Variants in ADAMTS2 observed in about 807,000 individuals in gnomAD.
ADAMTS2 encodes the protein ADAM metallopeptidase with thrombospondin type 1 motif 2, also known as A disintegrin and metalloproteinase with thrombospondin motifs 2.
In ADAMTS2, 50 loss-of-function variants were observed where a neutral mutation model predicts 123.0. The ratio of observed to expected loss-of-function variants is 0.41; its 90% CI spans 0.32 to 0.51. The LOEUF (loss-of-function observed/expected upper bound fraction) is 0.51. Among genes scored for constraint, ADAMTS2 ranks in the 20% least tolerant of loss-of-function variants. The pLI is 0.35. For missense variants in ADAMTS2, 1,494 were observed against 1,705.2 expected, an observed-to-expected ratio of 0.88 and a Z score of 2.18; for synonymous variants, 678 against 695.4, an observed-to-expected ratio of 0.98 and a Z score of 0.39.
At chr5:179,328,119 G>T (rs1476039773) in intron 2 of ADAMTS2, among the ~76,000 whole-genome samples, 3 of 152,216 alleles carry the variant, frequency 2.0e-5, no homozygotes, top group Non-Finnish European at 4.4e-5. Flanking sequence ...TGCAGGCTCC[G>T]CCTCCCGGGT....
At chr5:179,187,636 C>G (rs1047537922) in intron 4 of ADAMTS2, among the ~76,000 whole-genome samples, 2 of 152,166 alleles carry the variant, frequency 1.3e-5, no homozygotes, top group Non-Finnish European at 2.9e-5. Flanking sequence ...CCGCATCCAC[C>G]CTACCCAAGG....
Position 179,344,243 on chromosome 5 carries a change from C to T in ADAMTS2, c.140-82G>A, listed in dbSNP as rs1205075862. On this transcript the variant is annotated intron_variant, in intron 1 of 21. Transcript: ENST00000251582. The stretch of plus-strand genomic sequence containing the variant: ...GACCCGCCGGCAAGCCACGCCCCCC[C>T]AGACCCCGCCCCACTGCGAAGGGAA... 5 of 1,494,688 alleles carry T rather than the reference C, an allele frequency of 3.3e-6. No individual in the cohort carries two copies. In the African/African-American group the frequency reaches 6.9e-5, roughly 21 times the overall value. 92.6% of individuals were successfully genotyped at this position (1,494,688 alleles called of 1,614,324 possible).
intron 2 of ADAMTS2, among the ~76,000 whole-genome samples, chr5:179,297,351 TC>T (rs1193052317): frequency 6.6e-6 from 1 of 151,354 alleles, no homozygotes; most frequent in African/African-American, 2.4e-5. Context: ...CTGGCCTGAA[TC>T]CCCCAAGCCT....
chr5:179,194,733 C>T (rs556334282), intron 4 of ADAMTS2, among the ~76,000 whole-genome samples: 2 of 152,244 alleles, frequency 1.3e-5, no homozygotes, highest in East Asian at 3.9e-4. Context: ...GCAAGGGAAC[C>T]TCACAGGGCC....
chr5:179,224,272 G>A (rs1765220054), intron 3 of ADAMTS2, among the ~76,000 whole-genome samples: 2 of 152,164 alleles, frequency 1.3e-5, no homozygotes, highest in African/African-American at 4.8e-5. Flanking sequence ...TGTCGCCATG[G>A]CTCCCGGCAC....
intron 5 of ADAMTS2, among the ~76,000 whole-genome samples, chr5:179,167,272 C>A (rs996475202): frequency 2.0e-5 from 3 of 151,984 alleles, no homozygotes; most frequent in South Asian, 2.1e-4. Flanking sequence ...CGGGCCCGAG[C>A]GGCCACCAGG....
At position 179,312,373 on chromosome 5, in the gene ADAMTS2, C is replaced by A. The variant is rs79722265; in HGVS notation, c.534+31394G>T. 2.6e-5 allele frequency among the ~76,000 whole-genome samples: 4 copies of A among 152,126 alleles called. No homozygotes were observed. Among genetic ancestry groups the A allele is most frequent in the African/African-American group, 9.7e-5 (4 of 41,414 alleles). On this transcript the variant is annotated intron_variant, in intron 2 of 21. Transcript: ENST00000251582. This position sits in a 1 kb window ranked among gnomAD's most constrained non-coding sequence, Gnocchi z 4.2. ...ATTATGTCACCAGATTCCATCCACA[C>A]GAATGGGATTTGTGCCCCGATCAGA...
intron 4 of ADAMTS2, among the ~76,000 whole-genome samples, chr5:179,187,187 AAG>A (rs2113326248): frequency 6.6e-6 from 1 of 152,270 alleles, no homozygotes; most frequent in East Asian, 1.9e-4. Flanking sequence ...TTTGAAAAAA[AAG>A]ACTCATCCTA....
chr5:179,205,520 G>C (rs1435503591), intron 4 of ADAMTS2, among the ~76,000 whole-genome samples: 1 of 152,208 alleles, frequency 6.6e-6, no homozygotes, highest in African/African-American at 2.4e-5. Flanking sequence ...AAAAGGCGAG[G>C]CCTGGAGTCG....
chr5:179,316,094 C>T (rs780830395), intron 2 of ADAMTS2, among the ~76,000 whole-genome samples: 2 of 152,152 alleles, frequency 1.3e-5, no homozygotes, highest in Non-Finnish European at 2.9e-5. Context: ...CAAAAGCTCC[C>T]AGAGGGAAAG....
At chr5:179,168,733 G>A (rs1763760095) in intron 5 of ADAMTS2, among the ~76,000 whole-genome samples, 1 of 152,162 alleles carries the variant, frequency 6.6e-6, no homozygotes, top group Non-Finnish European at 1.5e-5. Flanking sequence ...CAGGGACAAG[G>A]TCCCACCATC....
chr5:179,139,767 C>A (rs1330780266), intron 11 of ADAMTS2, 123 bp downstream of exon 11: 1 of 1,458,944 alleles, frequency 6.9e-7, no homozygotes, highest in Non-Finnish European at 9.4e-7. Context: ...GGGCAGCCTG[C>A]CCTGCACCTC....
At chr5:179,116,124 G>C (rs368901894) in intron 21 of ADAMTS2, among the ~76,000 whole-genome samples, 1 of 151,994 alleles carries the variant, frequency 6.6e-6, no homozygotes, top group Non-Finnish European at 1.5e-5. Context: ...GTTCCTCCCC[G>C]TCTCCCACCT....
rs1289874645 is a variant in ADAMTS2, at chr5:179,228,332, A to G, written c.689-20617T>C. Among the ~76,000 whole-genome samples the G allele has an allele frequency of 6.6e-6, 1 of 152,180 alleles. No individual in the cohort carries two copies. The highest frequency in any genetic ancestry group is 2.4e-5 in the African/African-American group (1 of 41,460). On this transcript the variant is annotated intron_variant, in intron 3 of 21. Coordinates refer to ENST00000251582, the MANE Select transcript of ADAMTS2 (RefSeq NM_014244.5). This position sits in a 1 kb window ranked among gnomAD's most constrained non-coding sequence, Gnocchi z 5.2. ...CCCACAGAGGTGACAGGAACGGGCCAGGTGCACGGACAGGGCTGTTCCTGA... is the reference window on the plus strand; with the variant it reads ...CCCACAGAGGTGACAGGAACGGGCCGGGTGCACGGACAGGGCTGTTCCTGA...
intron 3 of ADAMTS2, among the ~76,000 whole-genome samples, chr5:179,218,895 C>T (rs1581199017): frequency 6.6e-6 from 1 of 152,188 alleles, no homozygotes; most frequent in African/African-American, 2.4e-5. Context: ...ACAAAGGACA[C>T]CCCTCAGTGG....
In ADAMTS2 at chr5:179,285,342, A is replaced by G. The variant is rs529280735; in HGVS notation, c.535-12278T>C. 6.2e-4 allele frequency among the ~76,000 whole-genome samples: 95 copies of G among 152,366 alleles called. No individual in the cohort carries two copies. The Middle Eastern group carries it at 0.024, about 38-fold the overall frequency. ...TAAGGGGGAAAATGGAATAAACAAG[A>G]TGCCGACAAGAATGCCTCACGGGGC... On this transcript the variant is annotated intron_variant, in intron 2 of 21. Transcript: ENST00000251582. This position sits in a 1 kb window ranked among gnomAD's most constrained non-coding sequence, Gnocchi z 4.9.
chr5:179,203,516 T>C (rs967959480), intron 4 of ADAMTS2, among the ~76,000 whole-genome samples: 2 of 152,218 alleles, frequency 1.3e-5, no homozygotes, highest in Non-Finnish European at 2.9e-5. Context: ...AGAGGGCCAC[T>C]TGGGGTTGTG....
At chr5:179,330,094 CCGCAG>C (rs1757442583) in intron 2 of ADAMTS2, among the ~76,000 whole-genome samples, 2 of 147,686 alleles carry the variant, frequency 1.4e-5, no homozygotes, top group African/African-American at 2.5e-5. Context: ...CCACTGCAGT[CCGCAG>C]TCCGGCCTGG....
At chr5:179,298,403 G>A (rs1158001128) in intron 2 of ADAMTS2, among the ~76,000 whole-genome samples, 1 of 152,116 alleles carries the variant, frequency 6.6e-6, no homozygotes, top group Admixed American at 6.5e-5. Flanking sequence ...GGGAGCTTGT[G>A]CACCCTCCAC....
Sources: gnomAD v4.1 joint callset for allele counts (sites outside exome capture counted in the v4.1 genomes callset) on GRCh38, gnomAD v4.1.1 for gene constraint, Gnocchi (gnomAD v3.1) non-coding constraint, MANE v1.5 for transcripts, NCBI Gene and HGNC (gene_info 2026-07-23, HGNC 2026-07-21) for gene names.